SPMIP7: variants seen among roughly 807,000 people sequenced by gnomAD.
The protein encoded by SPMIP7 is protein SPMIP7.
At chr7:50,117,965 T>C in the SPMIP7 span, among the ~76,000 whole-genome samples, 1 of 152,228 alleles carries the variant, frequency 6.6e-6, no homozygotes, top group Non-Finnish European at 1.5e-5. Context: ...ACTGCCATTA[T>C]TAAGATTGAA....
At chr7:50,133,830 C>T in the SPMIP7 span, among the ~76,000 whole-genome samples, 1 of 152,100 alleles carries the variant, frequency 6.6e-6, no homozygotes, top group African/African-American at 2.4e-5. Context: ...TCAGGAAAAT[C>T]CCACCTTCTG....
chr7:50,110,842 T>C, the SPMIP7 span, among the ~76,000 whole-genome samples: 1 of 132,700 alleles, frequency 7.5e-6, no homozygotes, highest in Non-Finnish European at 1.5e-5. Flanking sequence ...ATATATTATA[T>C]ATTATAATAT....
chr7:50,135,997 A>G, the SPMIP7 span: 1 of 819,268 alleles, frequency 1.2e-6, no homozygotes, highest in Non-Finnish European at 2.0e-6. Context: ...AGCCTGGGGC[A>G]TAGCTATGAC....
At chr7:50,101,473 G>A in the SPMIP7 span, among the ~76,000 whole-genome samples, 6 of 152,212 alleles carry the variant, frequency 3.9e-5, no homozygotes, top group East Asian at 3.9e-4. Context: ...TCTGAATCCT[G>A]GGAGAGAATA....
At chr7:50,122,771 C>T in the SPMIP7 span, among the ~76,000 whole-genome samples, 11 of 152,122 alleles carry the variant, frequency 7.2e-5, no homozygotes, top group East Asian at 9.6e-4. Flanking sequence ...TGAACAGACA[C>T]TTCTCAAAAG....
At chr7:50,154,023 A>G in the SPMIP7 span, among the ~76,000 whole-genome samples, 4 of 152,184 alleles carry the variant, frequency 2.6e-5, no homozygotes, top group Admixed American at 1.3e-4. Context: ...AAGGAGGTCA[A>G]TGGCTTTCTA....
At chr7:50,100,342 G>A in the SPMIP7 span, among the ~76,000 whole-genome samples, 3 of 152,212 alleles carry the variant, frequency 2.0e-5, no homozygotes, top group Non-Finnish European at 4.4e-5. Context: ...GCTTCAGTGC[G>A]TCTGTTTTGC....
At chr7:50,100,844 T>TAA in the SPMIP7 span, among the ~76,000 whole-genome samples, 4 of 148,980 alleles carry the variant, frequency 2.7e-5, no homozygotes, top group Admixed American at 6.7e-5. Context: ...AATAAATAAA[T>TAA]ATGAAAATAA....
the SPMIP7 span, chr7:50,136,094 T>G: frequency 6.5e-7 from 1 of 1,548,058 alleles, no homozygotes; most frequent in Non-Finnish European, 8.7e-7. Context: ...ACGATTATTT[T>G]TAGATGGTTG....
At chr7:50,107,005 G>A in the SPMIP7 span, among the ~76,000 whole-genome samples, 1 of 152,130 alleles carries the variant, frequency 6.6e-6, no homozygotes, top group African/African-American at 2.4e-5. Context: ...GGGAGTCCAA[G>A]GTGGGCGGAT....
the SPMIP7 span, among the ~76,000 whole-genome samples, chr7:50,130,555 C>T: frequency 3.9e-5 from 6 of 152,152 alleles, no homozygotes; most frequent in Admixed American, 3.9e-4. Flanking sequence ...CAAACCATAT[C>T]AAAAGGGAAA....
At chr7:50,154,832 T>C in the SPMIP7 span, among the ~76,000 whole-genome samples, 1 of 152,218 alleles carries the variant, frequency 6.6e-6, no homozygotes, top group African/African-American at 2.4e-5. Flanking sequence ...CAACAGTCTA[T>C]CATTTCTCTA....
chr7:50,098,010 G>T, the SPMIP7 span, among the ~76,000 whole-genome samples: 1 of 152,068 alleles, frequency 6.6e-6, no homozygotes, highest in African/African-American at 2.4e-5. Context: ...TTTGTCCTAG[G>T]CTTTCAATGA....
chr7:50,124,629 C>A, the SPMIP7 span, among the ~76,000 whole-genome samples: 1 of 152,004 alleles, frequency 6.6e-6, no homozygotes, highest in South Asian at 2.1e-4. Context: ...TCTAAATAAC[C>A]TACAGGTCAA....
At chr7:50,111,851 GAAAAT>G in the SPMIP7 span, among the ~76,000 whole-genome samples, 2 of 151,606 alleles carry the variant, frequency 1.3e-5, no homozygotes, top group African/African-American at 4.9e-5. Context: ...ATGAATAGAA[GAAAAT>G]AAAATAAATC....
At chr7:50,152,729 C>G in the SPMIP7 span, among the ~76,000 whole-genome samples, 5 of 151,738 alleles carry the variant, frequency 3.3e-5, no homozygotes, top group East Asian at 9.7e-4. Context: ...CTCTGTCACT[C>G]AGGCTGGAGT....
chr7:50,127,802 G>A, the SPMIP7 span, among the ~76,000 whole-genome samples: 28 of 151,904 alleles, frequency 1.8e-4, no homozygotes, highest in East Asian at 5.0e-3. Flanking sequence ...TTATCAAAAA[G>A]TCAGGGAATA....
chr7:50,157,994 G>A, the SPMIP7 span, among the ~76,000 whole-genome samples: 2 of 152,198 alleles, frequency 1.3e-5, no homozygotes, highest in African/African-American at 2.4e-5. Flanking sequence ...CCAGTCATGA[G>A]CCTCCTGTGG....
chr7:50,103,263 G>A, the SPMIP7 span, among the ~76,000 whole-genome samples: 1 of 151,814 alleles, frequency 6.6e-6, no homozygotes, highest in African/African-American at 2.4e-5. Flanking sequence ...GGATTAATTC[G>A]TGGAACAAAG....
Sources: gnomAD v4.1 joint callset for allele counts (sites outside exome capture counted in the v4.1 genomes callset) on GRCh38, gnomAD v4.1.1 for gene constraint, MANE v1.5 for transcripts, NCBI Gene and HGNC (gene_info 2026-07-23, HGNC 2026-07-21) for gene names.